The following LMAN2L variants were observed in gnomAD, a reference collection of about 807,000 sequenced individuals.
LMAN2L encodes VIP36-like protein.
Under a neutral mutation model 44.3 loss-of-function variants are expected in LMAN2L, and 30 were observed. That is an observed-to-expected ratio of 0.68 (90% confidence interval 0.51 to 0.92). LMAN2L has a LOEUF of 0.92. LMAN2L is among the 40% of genes least tolerant of loss of function. The pLI is 0.00. For synonymous variants in LMAN2L, 183 were observed against 171.1 expected (o/e 1.07, Z -0.54); for missense variants, 429 against 446.1 (o/e 0.96, Z 0.35).
At chr2:96,715,628 G>A (rs1415646325) in intron 4 of LMAN2L, among the ~76,000 whole-genome samples, 2 of 152,180 alleles carry the variant, frequency 1.3e-5, no homozygotes, top group African/African-American at 4.8e-5. Context: ...TCATCCAAAG[G>A]ACTGTTGTTT....
intron 4 of LMAN2L, among the ~76,000 whole-genome samples, chr2:96,730,917 C>T (rs2078381164): frequency 6.6e-6 from 1 of 152,178 alleles, no homozygotes; most frequent in Non-Finnish European, 1.5e-5. Flanking sequence ...TCGTGATCCA[C>T]CCGCCTTGGC....
At chr2:96,717,178 A>G (rs1424511260) in intron 4 of LMAN2L, among the ~76,000 whole-genome samples, 1 of 152,108 alleles carries the variant, frequency 6.6e-6, no homozygotes, top group East Asian at 1.9e-4. Context: ...TCAGAAAAAA[A>G]GACACACAAG....
At chr2:96,713,719 T>C (rs1012304372) in intron 4 of LMAN2L, among the ~76,000 whole-genome samples, 5 of 152,228 alleles carry the variant, frequency 3.3e-5, no homozygotes, top group African/African-American at 1.2e-4. Context: ...ACTTACCCTC[T>C]AACTGAGCCT....
intron 1 of LMAN2L, 58 bp from the exon 2 acceptor site, chr2:96,738,125 G>T: frequency 8.5e-7 from 1 of 1,176,102 alleles, no homozygotes; most frequent in Non-Finnish European, 1.3e-6. Context: ...TCAGAAAGCA[G>T]CCACCACAGA....
At chr2:96,711,585 A>G in intron 6 of LMAN2L, 71 bp downstream of exon 6, 2 of 996,904 alleles carry the variant, frequency 2.0e-6, no homozygotes, top group Non-Finnish European at 3.2e-6. Context: ...CCCCTGTGAG[A>G]GGCCTCAATG....
chr2:96,733,523 T>TG lies in LMAN2L; in HGVS notation c.502dup (p.Gln168ProfsTer20). On this transcript the variant is annotated frameshift_variant, in exon 4 of 8. Coordinates refer to ENST00000264963, the MANE Select transcript of LMAN2L (RefSeq NM_030805.4). LOFTEE classifies it high-confidence loss of function. ...GGCTCTGACACTTGCCATTACCTCT[T>TG]GCTGCTTCTCCTCATTGGGGTAGGT... 2 of 1,613,480 alleles carry TG rather than the reference T, an allele frequency of 1.2e-6. No individual in the cohort carries two copies. Among genetic ancestry groups the TG allele is most frequent in the South Asian group, 2.2e-5 (2 of 91,040 alleles).
intron 4 of LMAN2L, among the ~76,000 whole-genome samples, chr2:96,722,953 G>C (rs181656889): frequency 1.0e-3 from 156 of 152,278 alleles, no homozygotes; most frequent in Non-Finnish European, 1.8e-3. Flanking sequence ...CCAGGAGGCA[G>C]AGGTTGCAGT....
At chr2:96,713,067 G>A (rs762573112) in intron 4 of LMAN2L, 14 of 1,528,866 alleles carry the variant, frequency 9.2e-6, no homozygotes, top group African/African-American at 1.4e-5. Flanking sequence ...ATGGACACAT[G>A]GGAATGAGGG....
At chr2:96,738,867 A>G (rs2078573237) in intron 1 of LMAN2L, among the ~76,000 whole-genome samples, 2 of 151,864 alleles carry the variant, frequency 1.3e-5, no homozygotes, top group Non-Finnish European at 2.9e-5. Flanking sequence ...CAGCCTCCTG[A>G]GTAGCTGGGA....
Position 96,707,031 on chromosome 2 carries a change from C to A in LMAN2L, c.*225G>T. The A allele has an allele frequency of 2.4e-6, 1 of 413,898 alleles. No individual in the cohort carries two copies. Among genetic ancestry groups the A allele is most frequent in the Non-Finnish European group, 4.3e-6 (1 of 232,378 alleles). 25.6% of individuals were successfully genotyped at this position (413,898 alleles called of 1,614,324 possible). ...AAGGACTGCAGGGAAAGGCACATCA[C>A]AGCAGCATTGCCCTGGGGTGGGTGG... On this transcript the variant is annotated 3_prime_UTR_variant, in exon 8 of 8. Coordinates refer to ENST00000264963, the MANE Select transcript of LMAN2L (RefSeq NM_030805.4).
At chr2:96,709,641 G>A (rs889074886) in intron 6 of LMAN2L, among the ~76,000 whole-genome samples, 2 of 152,224 alleles carry the variant, frequency 1.3e-5, no homozygotes, top group Non-Finnish European at 2.9e-5. Flanking sequence ...CCATGGGACA[G>A]GATAAAAGGC....
At chr2:96,736,388 A>G (rs557653493) in intron 2 of LMAN2L, among the ~76,000 whole-genome samples, 1 of 152,316 alleles carries the variant, frequency 6.6e-6, no homozygotes, top group African/African-American at 2.4e-5. Flanking sequence ...TAACTCAGAA[A>G]CAAGCCCATA....
rs1247243724 is a variant in LMAN2L, at chr2:96,722,486, G to A, written c.508-10461C>T. Among the ~76,000 whole-genome samples, 6 of 152,164 alleles carry A rather than the reference G, an allele frequency of 3.9e-5. No homozygotes were observed. The East Asian group carries it at 1.2e-3, about 29-fold the overall frequency. On this transcript the variant is annotated intron_variant, in intron 4 of 7. Transcript: ENST00000264963. ...ATGCTCAGTTCATAAGAGGGCTCCT[G>A]CTCCTATGAGAATCTAATGCCACCA...
Position 96,711,944 on chromosome 2 carries a change from G to A in LMAN2L, c.589C>T (p.Leu197=). Residue 197 remains leucine (L), a synonymous_variant, in exon 5 of 8, where the codon CTG becomes TTG. Coordinates refer to ENST00000264963, the MANE Select transcript of LMAN2L (RefSeq NM_030805.4). ...CGGACAATGGCTGTGCAGCCTCCCAGCTCTGTAGGCCGCCCATCCCGCTCA... is the reference window on the plus strand; with the variant it reads ...CGGACAATGGCTGTGCAGCCTCCCAACTCTGTAGGCCGCCCATCCCGCTCA... ...DHERDGRPTE[L]GGCTAIVRNL... is the part of the protein sequence containing the mutation. 3 of 1,614,174 alleles carry A rather than the reference G, an allele frequency of 1.9e-6. No homozygotes were observed. Among genetic ancestry groups the A allele is most frequent in the Non-Finnish European group, 2.5e-6 (3 of 1,180,014 alleles).
intron 4 of LMAN2L, among the ~76,000 whole-genome samples, chr2:96,713,679 CTA>C (rs2077976757): frequency 1.3e-5 from 2 of 152,322 alleles, no homozygotes; most frequent in East Asian, 3.9e-4. Context: ...ACTTGAGAGA[CTA>C]TGAAACTAAC....
chr2:96,707,386 A>C lies in LMAN2L; in HGVS notation c.917T>G (p.Leu306Arg), dbSNP rs2077807810. The change falls in exon 8 of 8, where the codon CTG (leucine) becomes CGG (arginine). Residue 306 changes from leucine (L) to arginine (R), a missense_variant. Physicochemically the swap from Leu to Arg is moderately radical, Grantham distance 102 (BLOSUM62 -2). Transcript: ENST00000264963. The stretch of plus-strand genomic sequence containing the variant: ...GAGGGCCAGGCCACTCAGGGGCGGC[A>C]GTGGAGCTGTCACTGAGGAAGCAAG... ...NMKLPEMTAP[L>R]PPLSGLALFL... 1 of 1,611,978 alleles carries C rather than the reference A, an allele frequency of 6.2e-7. No individual in the cohort carries two copies. Among genetic ancestry groups the C allele is most frequent in the Non-Finnish European group, 8.5e-7 (1 of 1,179,036 alleles).
rs548690956 is a variant in LMAN2L at position 96,733,647 on chromosome 2, T to C, written c.425-46A>G. On this transcript the variant is annotated intron_variant, in intron 3 of 7. Coordinates refer to ENST00000264963, the MANE Select transcript of LMAN2L (RefSeq NM_030805.4). Reference sequence around the variant, plus strand: ...ATGAACAATGAAATAAAGCTAAGAGTTGATAAAGGAATAATATATCACTAT... The same window carrying C: ...ATGAACAATGAAATAAAGCTAAGAGCTGATAAAGGAATAATATATCACTAT... The C allele has an allele frequency of 1.6e-5, 23 of 1,460,440 alleles. No homozygotes were observed. The South Asian group carries it at 1.8e-4, about 12-fold the overall frequency. 90.5% of individuals were successfully genotyped at this position (1,460,440 alleles called of 1,614,324 possible). A position where few individuals can be genotyped will look rare whatever the true frequency, so the allele number is the denominator to read the frequency against.
At chr2:96,723,104 T>C (rs1264983026) in intron 4 of LMAN2L, among the ~76,000 whole-genome samples, 1 of 152,266 alleles carries the variant, frequency 6.6e-6, no homozygotes, top group Non-Finnish European at 1.5e-5. Context: ...GTAAAGTCTA[T>C]GTTTAGTCAT....
Position 96,734,379 on chromosome 2 carries a change from C to G in LMAN2L, c.424+30G>C, listed in dbSNP as rs755973935. 2.2e-6 allele frequency: 3 copies of G among 1,340,916 alleles called. No individual in the cohort carries two copies. The South Asian group carries it at 3.5e-5, about 16-fold the overall frequency. 83.1% of individuals were successfully genotyped at this position (1,340,916 alleles called of 1,614,324 possible). On this transcript the variant is annotated intron_variant, in intron 3 of 7. Coordinates refer to ENST00000264963, the MANE Select transcript of LMAN2L (RefSeq NM_030805.4). ...CACATGAAAAATCAGGCTGTCACAC[C>G]CACACAAGAGTAACACAGGCTCCCA...
Sources: allele counts gnomAD v4.1 joint callset (sites outside exome capture counted in the v4.1 genomes callset), GRCh38; gene constraint gnomAD v4.1.1; transcripts MANE v1.5; gene names NCBI Gene and HGNC (gene_info 2026-07-23, HGNC 2026-07-21).